Variants in SYNE2 observed in about 807,000 individuals in gnomAD.
SYNE2 encodes the protein nesprin-2.
Under a neutral mutation model 856.3 loss-of-function variants are expected in SYNE2, and 431 were observed. The observed-to-expected ratio is 0.50, with a 90% CI of 0.47 to 0.55. The LOEUF (loss-of-function observed/expected upper bound fraction) is 0.55. Among genes scored for constraint, SYNE2 ranks in the 20% least tolerant of loss-of-function variants. The pLI is 0.00. For missense variants in SYNE2, 8,129 were observed against 8,023.2 expected (o/e 1.01, Z -0.50); for synonymous variants, 2,923 against 2,872.3 (o/e 1.02, Z -0.56).
At chr14:63,961,862 T>C (rs995059471) in intron 9 of SYNE2, among the ~76,000 whole-genome samples, 9 of 151,954 alleles carry the variant, frequency 5.9e-5, no homozygotes, top group African/African-American at 2.2e-4. Flanking sequence ...TAATTTCTTT[T>C]ACTGTAGATT....
At chr14:64,129,630 T>C (rs1045859953) in intron 74 of SYNE2, 152 bp from the exon 75 acceptor site, 1 of 1,079,418 alleles carries the variant, frequency 9.3e-7, no homozygotes, top group Non-Finnish European at 1.3e-6. Context: ...TCTGGCAAGA[T>C]TGTTAAGGAG....
intron 1 of SYNE2, among the ~76,000 whole-genome samples, chr14:63,897,882 C>G (rs989944882): frequency 3.9e-5 from 6 of 152,222 alleles, no homozygotes; most frequent in Non-Finnish European, 8.8e-5. Context: ...TTCTTCTCTA[C>G]TTCAAAATTT....
chr14:64,072,603 G>A (rs1323253298), intron 52 of SYNE2, among the ~76,000 whole-genome samples: 5 of 151,838 alleles, frequency 3.3e-5, no homozygotes, highest in African/African-American at 1.2e-4. Context: ...GAGTTCAAGC[G>A]ATTCTCCTGC....
chr14:64,178,581 C>A (rs894249025), intron 96 of SYNE2, among the ~76,000 whole-genome samples: 1 of 152,158 alleles, frequency 6.6e-6, no homozygotes, highest in South Asian at 2.1e-4. Context: ...CCTCAGCCCC[C>A]CCGAGTAGCC....
At chr14:64,070,548 C>A in intron 51 of SYNE2, 97 bp from the exon 52 acceptor site, 1 of 1,041,996 alleles carries the variant, frequency 9.6e-7, no homozygotes. Context: ...ACTAGGAACC[C>A]TTTGAAGAGA....
intron 64 of SYNE2, 100 bp downstream of exon 64, chr14:64,102,142 G>A (rs1230850778): frequency 1.4e-5 from 12 of 835,440 alleles, no homozygotes; most frequent in Middle Eastern, 3.3e-4. Context: ...CCCCTGAGAC[G>A]GACTCGCTCT....
intron 14 of SYNE2, among the ~76,000 whole-genome samples, chr14:63,979,669 T>C (rs1411364876): frequency 1.3e-5 from 2 of 152,222 alleles, no homozygotes; most frequent in Non-Finnish European, 2.9e-5. Context: ...TCCCAACACA[T>C]TGGGAGGCCA....
chr14:63,902,454 C>T (rs115656257), intron 1 of SYNE2, among the ~76,000 whole-genome samples: 2,003 of 145,412 alleles, frequency 0.014, 53 homozygotes, highest in African/African-American at 0.048. Flanking sequence ...TATTTTAGTA[C>T]TAAACCCTGG....
chr14:64,049,672 G>A lies in SYNE2; in HGVS notation c.7439G>A (p.Cys2480Tyr). Residue 2480 changes from cysteine to tyrosine, a missense_variant, in exon 47 of 116, where the codon TGT becomes TAT. Cys to Tyr is a radical substitution (Grantham distance 194). Coordinates refer to ENST00000555002, the MANE Select transcript of SYNE2 (RefSeq NM_182914.3). Reference protein sequence around the residue: ...AAIKPLEQTECLNKTETGALV... With the variant: ...AAIKPLEQTEYLNKTETGALV... Reference sequence around the variant, plus strand: ...ATTAAGCCACTGGAACAAACAGAATGTCTTAACAAAACAGAAACTGGGGCC... The same window carrying A: ...ATTAAGCCACTGGAACAAACAGAATATCTTAACAAAACAGAAACTGGGGCC... 6.2e-7 allele frequency: 1 copy of A among 1,614,128 alleles called. No individual in the cohort carries two copies. Among genetic ancestry groups the A allele is most frequent in the Non-Finnish European group, 8.5e-7 (1 of 1,180,020 alleles).
chr14:63,784,663 A>C (rs1305722945), intron 1 of SYNE2, among the ~76,000 whole-genome samples: 2 of 151,588 alleles, frequency 1.3e-5, no homozygotes, highest in Non-Finnish European at 2.9e-5. Context: ...CCCAGCTATA[A>C]ATTTGTAATT....
At chr14:63,861,784 G>A (rs1002976631) in intron 1 of SYNE2, among the ~76,000 whole-genome samples, 3 of 151,958 alleles carry the variant, frequency 2.0e-5, no homozygotes, top group Non-Finnish European at 4.4e-5. Flanking sequence ...AGGAATGTAG[G>A]TAAAACAAAT....
In SYNE2 at chr14:64,167,241, G is replaced by T; in HGVS notation, c.16614G>T (p.Val5538=). ...KENPDSFLNH[V]LALTAQSPDI... is the part of the protein sequence containing the mutation. ...CAATTTTTTAAAAATAGAATCATGTGCTGGCACTGACAGCCCAATCACCTG... is the reference window on the plus strand; with the variant it reads ...CAATTTTTTAAAAATAGAATCATGTTCTGGCACTGACAGCCCAATCACCTG... The change falls in exon 91 of 116, where the codon GTG becomes GTT. Residue 5538 remains valine (V), a synonymous_variant. Transcript: ENST00000555002. 6.2e-7 allele frequency: 1 copy of T among 1,614,146 alleles called. No individual in the cohort carries two copies.
intron 6 of SYNE2, among the ~76,000 whole-genome samples, chr14:63,948,373 T>C (rs2096070533): frequency 2.0e-5 from 3 of 152,080 alleles, no homozygotes; most frequent in Non-Finnish European, 4.4e-5. Flanking sequence ...TATAAAAATA[T>C]ATTGCTTAGG....
chr14:63,794,348 C>T (rs1025610753), intron 1 of SYNE2, among the ~76,000 whole-genome samples: 4 of 152,082 alleles, frequency 2.6e-5, no homozygotes, highest in South Asian at 2.1e-4. Flanking sequence ...TGCCACCATG[C>T]GTGGCTAATT....
At chr14:63,818,862 C>A (rs894607508) in intron 1 of SYNE2, among the ~76,000 whole-genome samples, 3 of 151,868 alleles carry the variant, frequency 2.0e-5, no homozygotes, top group Non-Finnish European at 4.4e-5. Flanking sequence ...CCATGCCCAG[C>A]TAATTTTTTG....
intron 87 of SYNE2, among the ~76,000 whole-genome samples, chr14:64,160,997 A>G (rs900362151): frequency 6.6e-6 from 1 of 152,224 alleles, no homozygotes; most frequent in African/African-American, 2.4e-5. Context: ...ACAGCCACTT[A>G]AAATGAGGTT....
chr14:63,989,417 A>C lies in SYNE2; in HGVS notation c.2314-994A>C, dbSNP rs934557854. On this transcript the variant is annotated intron_variant, in intron 19 of 115. Transcript: ENST00000555002. ...CAGTGGTGCAGTCTTGGCTCACTAC[A>C]ATCTCTACCTCCCAGGTTCAAGAGA... Among the ~76,000 whole-genome samples, 4 of 152,194 alleles carry C rather than the reference A, an allele frequency of 2.6e-5. No homozygotes were observed. The East Asian group carries it at 7.7e-4, about 29-fold the overall frequency.
At chr14:63,876,517 T>C (rs2094722688) in intron 1 of SYNE2, among the ~76,000 whole-genome samples, 1 of 148,374 alleles carries the variant, frequency 6.7e-6, no homozygotes, top group South Asian at 2.1e-4. Flanking sequence ...AGACCGAGTC[T>C]CGCTCTGTTG....
intron 1 of SYNE2, among the ~76,000 whole-genome samples, chr14:63,868,462 G>A (rs553431158): frequency 1.3e-5 from 2 of 150,538 alleles, no homozygotes; most frequent in African/African-American, 4.9e-5. Context: ...ACAGCAGAGT[G>A]AGACCCTGCC....
Sources: allele counts gnomAD v4.1 joint callset (sites outside exome capture counted in the v4.1 genomes callset), GRCh38; gene constraint gnomAD v4.1.1; transcripts MANE v1.5; gene names NCBI Gene and HGNC (gene_info 2026-07-23, HGNC 2026-07-21).